Variants in VPS36 observed in about 807,000 individuals in gnomAD.
VPS36 encodes the protein vacuolar protein sorting 36 homolog.
VPS36 carries 31 observed loss-of-function variants against 63.5 expected under a neutral mutation model. That is an observed-to-expected ratio of 0.49 (90% CI 0.37 to 0.66). The LOEUF (loss-of-function observed/expected upper bound fraction) is 0.66. VPS36 is among the 30% of genes least tolerant of loss of function. VPS36 has a pLI of 0.00. For missense variants in VPS36, 338 were observed against 463.7 expected (o/e 0.73, Z 2.49); for synonymous variants, 138 against 157.2 (o/e 0.88, Z 0.91).
Position 52,450,598 on chromosome 13 carries a change from C to G in VPS36, c.-4G>C, listed in dbSNP as rs1371739814. The G allele has an allele frequency of 6.4e-7, 1 of 1,570,660 alleles. No individual in the cohort carries two copies. The highest frequency in any genetic ancestry group is 8.6e-7 in the Non-Finnish European group (1 of 1,159,304). On this transcript the variant is annotated 5_prime_UTR_variant, in exon 1 of 14. Coordinates refer to ENST00000378060, the MANE Select transcript of VPS36 (RefSeq NM_016075.4). ...TGGTCCAAACGAAGCGGTCCATGGC[C>G]GCTGCCACCCAGCCCCGGCCCTCCG...
chr13:52,446,111 A>T (rs887297320), intron 1 of VPS36, among the ~76,000 whole-genome samples: 21 of 149,088 alleles, frequency 1.4e-4, no homozygotes, highest in African/African-American at 5.2e-4. Context: ...AAAAATAAAA[A>T]AAAAAATTGC....
rs957856347 is a variant in VPS36 at position 52,417,998 on chromosome 13, G to C, written c.899C>G (p.Pro300Arg). The C allele has an allele frequency of 6.2e-7, 1 of 1,610,728 alleles. No individual in the cohort carries two copies. The highest frequency in any genetic ancestry group is 1.1e-5 in the South Asian group (1 of 90,042). ...CCTGCAGAGGTTCCTTTACCTGAGA[G>C]GTAATTTCAGTGCTTCCAGCATCTT... ...ACKMLEALKLPLRLRVFDSGV... is the reference protein window; with the variant it reads ...ACKMLEALKLRLRLRVFDSGV... The change falls in exon 11 of 14, where the codon CCT becomes CGT. Residue 300 changes from proline (P) to arginine (R), a missense_variant. Coordinates refer to ENST00000378060, the MANE Select transcript of VPS36 (RefSeq NM_016075.4).
At chr13:52,427,760 G>A (rs2137785678) in intron 6 of VPS36, among the ~76,000 whole-genome samples, 1 of 152,080 alleles carries the variant, frequency 6.6e-6, no homozygotes, top group South Asian at 2.1e-4. Context: ...CATTTTCAAA[G>A]AAAATAATTA....
At chr13:52,429,607 T>A (rs1307536055) in intron 6 of VPS36, among the ~76,000 whole-genome samples, 1 of 152,204 alleles carries the variant, frequency 6.6e-6, no homozygotes, top group East Asian at 1.9e-4. Flanking sequence ...GAATATCTGC[T>A]GAATAAATTA....
chr13:52,420,528 T>G (rs1958036010), intron 10 of VPS36, among the ~76,000 whole-genome samples: 1 of 151,756 alleles, frequency 6.6e-6, no homozygotes, highest in Non-Finnish European at 1.5e-5. Flanking sequence ...AGATGGGGTT[T>G]CGCCATGTTG....
At chr13:52,426,147 C>G in intron 8 of VPS36, 81 bp from the exon 9 acceptor site, 1 of 1,538,722 alleles carries the variant, frequency 6.5e-7, no homozygotes, top group Non-Finnish European at 8.9e-7. Context: ...TTCAATTCCA[C>G]TCAATTATGT....
At chr13:52,427,736 G>A (rs1384689303) in intron 6 of VPS36, among the ~76,000 whole-genome samples, 1 of 151,798 alleles carries the variant, frequency 6.6e-6, no homozygotes, top group Non-Finnish European at 1.5e-5. Flanking sequence ...CAAACAAACT[G>A]CAAAAGAACT....
At chr13:52,418,431 C>T (rs959255756) in intron 10 of VPS36, among the ~76,000 whole-genome samples, 7 of 151,508 alleles carry the variant, frequency 4.6e-5, no homozygotes, top group African/African-American at 7.3e-5. Flanking sequence ...AAAAATTAGC[C>T]GGGCGCGGTG....
rs2137767013 is a variant in VPS36, at chr13:52,416,006, A to C, written c.1067+11T>G. 6.2e-7 allele frequency: 1 copy of C among 1,613,942 alleles called. No homozygotes were observed. Among genetic ancestry groups the C allele is most frequent in the East Asian group, 2.2e-5 (1 of 44,876 alleles). ...ACATACATTGTAATGAAAGGTAAGA[A>C]CCTTACTTACCTTTCTTTGGCTAGG... On this transcript the variant is annotated intron_variant, in intron 13 of 13. Transcript: ENST00000378060.
At chr13:52,418,199 G>C in intron 10 of VPS36, 143 bp from the exon 11 acceptor site, 1 of 696,894 alleles carries the variant, frequency 1.4e-6, no homozygotes, top group South Asian at 2.5e-5. Flanking sequence ...AGGAACCAAA[G>C]ACTTCTATTC....
chr13:52,425,145 C>T (rs1285821276), intron 9 of VPS36, among the ~76,000 whole-genome samples: 4 of 150,888 alleles, frequency 2.7e-5, no homozygotes, highest in African/African-American at 7.3e-5. Context: ...CCAAGCTACT[C>T]TGGAGGCTGA....
chr13:52,416,113 G>T lies in VPS36; in HGVS notation c.991-20C>A. On this transcript the variant is annotated intron_variant, in intron 12 of 13. Transcript: ENST00000378060. ...TGAAACCTAATAGAAACACACAGCAGAAAAAAAATGTAATTAATTTAGGAC... is the reference window on the plus strand; with the variant it reads ...TGAAACCTAATAGAAACACACAGCATAAAAAAAATGTAATTAATTTAGGAC... The T allele has an allele frequency of 6.2e-7, 1 of 1,604,108 alleles. No homozygotes were observed. The highest frequency in any genetic ancestry group is 1.1e-5 in the South Asian group (1 of 89,126).
chr13:52,417,189 T>G, intron 11 of VPS36, 48 bp from the exon 12 acceptor site: 1 of 1,534,772 alleles, frequency 6.5e-7, no homozygotes, highest in Non-Finnish European at 9.0e-7. Context: ...TCTAGGATAT[T>G]CAACTGCTGA....
intron 10 of VPS36, among the ~76,000 whole-genome samples, chr13:52,422,456 G>A (rs185692010): frequency 2.6e-5 from 4 of 152,202 alleles, no homozygotes; most frequent in Admixed American, 2.0e-4. Context: ...AGATAAACTC[G>A]TGTCACTAGG....
chr13:52,449,957 T>G, intron 1 of VPS36: 1 of 985,556 alleles, frequency 1.0e-6, no homozygotes, highest in Non-Finnish European at 1.2e-6. Context: ...TTCGAAGCAA[T>G]CCCTCACCCC....
chr13:52,434,633 C>T (rs923461083), intron 5 of VPS36, among the ~76,000 whole-genome samples, 160 bp downstream of exon 5: 1 of 152,314 alleles, frequency 6.6e-6, no homozygotes, highest in African/African-American at 2.4e-5. Context: ...AGTGGGATTA[C>T]AGGCGTGAGC....
At position 52,413,849 on chromosome 13, in the gene VPS36, A is replaced by G. The variant is rs906186694; in HGVS notation, c.*1981T>C. Reference sequence around the variant, plus strand: ...AAAAGATAAAAATACACAAATACATACAAAGGTCTCGAAACAGTGAAGAAT... The same window carrying G: ...AAAAGATAAAAATACACAAATACATGCAAAGGTCTCGAAACAGTGAAGAAT... On this transcript the variant is annotated 3_prime_UTR_variant, in exon 14 of 14. Coordinates refer to ENST00000378060, the MANE Select transcript of VPS36 (RefSeq NM_016075.4). 2.0e-5 allele frequency: 3 copies of G among 152,578 alleles called. No individual in the cohort carries two copies. Among genetic ancestry groups the G allele is most frequent in the Non-Finnish European group, 4.4e-5 (3 of 68,042 alleles). 9.5% of individuals were successfully genotyped at this position (152,578 alleles called of 1,614,324 possible).
intron 9 of VPS36, 34 bp from the exon 10 acceptor site, chr13:52,423,673 T>C (rs1958068047): frequency 1.3e-6 from 2 of 1,548,586 alleles, no homozygotes; most frequent in Admixed American, 1.7e-5. Context: ...AAAAGTATTA[T>C]GTTACAATTA....
At chr13:52,422,794 A>G (rs1485111272) in intron 10 of VPS36, among the ~76,000 whole-genome samples, 1 of 152,220 alleles carries the variant, frequency 6.6e-6, no homozygotes, top group East Asian at 1.9e-4. Flanking sequence ...ACCAGAAAGA[A>G]ATGATAAATG....
Sources: allele counts gnomAD v4.1 joint callset (sites outside exome capture counted in the v4.1 genomes callset), GRCh38; gene constraint gnomAD v4.1.1; transcripts MANE v1.5; gene names NCBI Gene and HGNC (gene_info 2026-07-23, HGNC 2026-07-21).